Variants in THEMIS observed in about 807,000 individuals in gnomAD.
THEMIS encodes protein THEMIS.
A neutral mutation model predicts 52.6 loss-of-function variants in THEMIS; 37 were observed. That is an observed-to-expected ratio of 0.70 (90% CI 0.54 to 0.93). The LOEUF (loss-of-function observed/expected upper bound fraction) is 0.93. THEMIS is among the 40% of genes least tolerant of loss of function. THEMIS has a pLI of 0.00. For missense variants in THEMIS, 808 were observed against 763.1 expected (o/e 1.06, Z -0.69); for synonymous variants, 292 against 272.7 (o/e 1.07, Z -0.70).
intron 4 of THEMIS, among the ~76,000 whole-genome samples, chr6:127,763,740 C>A (rs979082352): frequency 6.6e-6 from 1 of 151,784 alleles, no homozygotes; most frequent in Non-Finnish European, 1.5e-5. Context: ...AATATAAGTA[C>A]TAGATTTTTA....
chr6:127,786,227 C>T (rs1776944106), intron 4 of THEMIS, among the ~76,000 whole-genome samples: 1 of 152,056 alleles, frequency 6.6e-6, no homozygotes, highest in Non-Finnish European at 1.5e-5. Flanking sequence ...CCTGTTCTAG[C>T]CTACATATTT....
rs56858716 is a variant in THEMIS at position 127,742,325 on chromosome 6, A to C, written c.1759-22502T>G. Reference sequence around the variant, plus strand: ...GTGAGACTCTGCTTAAAAAAAAAAAAAAACAAACAAAAAAACAAACAAAAA... The same window carrying C: ...GTGAGACTCTGCTTAAAAAAAAAAACAAACAAACAAAAAAACAAACAAAAA... On this transcript the variant is annotated intron_variant, in intron 4 of 5. Coordinates refer to ENST00000368248, the MANE Select transcript of THEMIS (RefSeq NM_001010923.3). 5.0e-3 allele frequency among the ~76,000 whole-genome samples: 750 copies of C among 148,744 alleles called. 5 individuals are homozygous for C. Among genetic ancestry groups the C allele is most frequent in the African/African-American group, 0.016 (625 of 39,450 alleles).
intron 4 of THEMIS, among the ~76,000 whole-genome samples, chr6:127,742,727 T>A (rs1056337528): frequency 6.6e-6 from 1 of 151,510 alleles, no homozygotes; most frequent in Non-Finnish European, 1.5e-5. Flanking sequence ...GTCAAATTCA[T>A]AGAGATGGAA....
At chr6:127,718,021 G>A (rs1298996727) in intron 5 of THEMIS, among the ~76,000 whole-genome samples, 1 of 151,736 alleles carries the variant, frequency 6.6e-6, no homozygotes, top group Non-Finnish European at 1.5e-5. Flanking sequence ...TATGGTAAAT[G>A]TTAAGTATGG....
At chr6:127,856,297 A>G (rs756091069) in intron 1 of THEMIS, among the ~76,000 whole-genome samples, 2 of 151,982 alleles carry the variant, frequency 1.3e-5, no homozygotes, top group Non-Finnish European at 2.9e-5. Flanking sequence ...CTGGTATCCA[A>G]TCTAGCTCTA....
At chr6:127,822,981 T>G (rs909117618) in intron 3 of THEMIS, among the ~76,000 whole-genome samples, 4 of 152,172 alleles carry the variant, frequency 2.6e-5, no homozygotes, top group Admixed American at 2.0e-4. Flanking sequence ...AATAAACAAA[T>G]ATTTTTATTT....
At chr6:127,783,733 A>T (rs1051500818) in intron 4 of THEMIS, among the ~76,000 whole-genome samples, 1 of 152,190 alleles carries the variant, frequency 6.6e-6, no homozygotes, top group African/African-American at 2.4e-5. Flanking sequence ...AAGTCAGGAA[A>T]CAACAGATGC....
intron 4 of THEMIS, among the ~76,000 whole-genome samples, chr6:127,766,028 A>C (rs574029575): frequency 6.6e-6 from 1 of 152,266 alleles, no homozygotes; most frequent in African/African-American, 2.4e-5. Flanking sequence ...CTAGTGGCTA[A>C]TGTAGAAGCA....
intron 1 of THEMIS, among the ~76,000 whole-genome samples, chr6:127,899,253 C>G (rs1781062761): frequency 6.6e-6 from 1 of 151,540 alleles, no homozygotes; most frequent in Non-Finnish European, 1.5e-5. Context: ...TATTATGTAT[C>G]TATAAAAACA....
At chr6:127,852,241 A>G (rs1336054663) in intron 2 of THEMIS, among the ~76,000 whole-genome samples, 1 of 151,628 alleles carries the variant, frequency 6.6e-6, no homozygotes, top group Non-Finnish European at 1.5e-5. Context: ...CAAATACATG[A>G]AGCAAAAGCT....
At position 127,764,343 on chromosome 6, in the gene THEMIS, G is replaced by C. The variant is rs9491869; in HGVS notation, c.1759-44520C>G. ...CTTGAGGCATTTTTTTTTTACTATA[G>C]TAACGTCCATTTAATTTTGGTATAG... On this transcript the variant is annotated intron_variant, in intron 4 of 5. Coordinates refer to ENST00000368248, the MANE Select transcript of THEMIS (RefSeq NM_001010923.3). 1.5e-3 allele frequency among the ~76,000 whole-genome samples: 229 copies of C among 150,382 alleles called. 1 individual carries two copies. The highest frequency in any genetic ancestry group is 5.0e-3 in the African/African-American group (203 of 40,850).
At chr6:127,735,329 G>A (rs796553587) in intron 4 of THEMIS, among the ~76,000 whole-genome samples, 9 of 152,114 alleles carry the variant, frequency 5.9e-5, no homozygotes, top group African/African-American at 1.9e-4. Context: ...GTGTGTGTGT[G>A]TGTGTGTCTG....
chr6:127,887,864 C>T (rs948628474), intron 1 of THEMIS, among the ~76,000 whole-genome samples: 1 of 151,994 alleles, frequency 6.6e-6, no homozygotes, highest in Non-Finnish European at 1.5e-5. Context: ...CTTGATAAAA[C>T]TGTAAGAAAA....
chr6:127,891,921 G>A (rs1452991662), intron 1 of THEMIS, among the ~76,000 whole-genome samples: 1 of 152,148 alleles, frequency 6.6e-6, no homozygotes, highest in East Asian at 1.9e-4. Flanking sequence ...AACAGACAAA[G>A]CTCCTTTTGG....
intron 1 of THEMIS, among the ~76,000 whole-genome samples, chr6:127,856,748 G>A (rs1021425150): frequency 3.3e-5 from 5 of 151,608 alleles, no homozygotes; most frequent in South Asian, 4.2e-4. Context: ...TCATATTTTC[G>A]TTAACTTTAA....
intron 4 of THEMIS, among the ~76,000 whole-genome samples, chr6:127,805,618 T>C (rs1412862626): frequency 6.6e-6 from 1 of 152,096 alleles, no homozygotes; most frequent in Non-Finnish European, 1.5e-5. Context: ...ATTGCATTCT[T>C]TCATAGCCAT....
At chr6:127,865,039 A>G (rs1050876250) in intron 1 of THEMIS, among the ~76,000 whole-genome samples, 16 of 152,150 alleles carry the variant, frequency 1.1e-4, no homozygotes, top group Non-Finnish European at 2.2e-4. Context: ...TGTTGCTAAC[A>G]AGGAAAGTTT....
chr6:127,866,317 T>C (rs2114359110), intron 1 of THEMIS, among the ~76,000 whole-genome samples: 1 of 152,176 alleles, frequency 6.6e-6, no homozygotes, highest in South Asian at 2.1e-4. Flanking sequence ...ATAGTGTCTA[T>C]AGTTTTATTC....
At position 127,830,006 on chromosome 6, in the gene THEMIS, G is replaced by A. The variant is rs1237602544; in HGVS notation, c.251-72C>T. The A allele has an allele frequency of 3.5e-6, 4 of 1,146,952 alleles. No individual in the cohort carries two copies. In the African/African-American group the frequency reaches 4.7e-5, roughly 13 times the overall value. 71.0% of individuals were successfully genotyped at this position (1,146,952 alleles called of 1,614,324 possible). On this transcript the variant is annotated intron_variant, in intron 2 of 5. Transcript: ENST00000368248. Reference sequence around the variant, plus strand: ...AGTTCTCACAAGAAAATCACAAGGAGAGAGTTACAACACAAGTACTGCATA... The same window carrying A: ...AGTTCTCACAAGAAAATCACAAGGAAAGAGTTACAACACAAGTACTGCATA...
Sources: gnomAD v4.1 joint callset for allele counts (sites outside exome capture counted in the v4.1 genomes callset) on GRCh38, gnomAD v4.1.1 for gene constraint, MANE v1.5 for transcripts, NCBI Gene and HGNC (gene_info 2026-07-23, HGNC 2026-07-21) for gene names.